The following B4GALT1 variants were observed in gnomAD, a reference collection of about 807,000 sequenced individuals.
The protein encoded by B4GALT1 is N-acetyllactosamine synthase.
Under a neutral mutation model 34.9 loss-of-function variants are expected in B4GALT1, and 16 were observed. That is an observed-to-expected ratio of 0.46 (90% CI 0.31 to 0.70). The LOEUF is 0.70. B4GALT1 is among the 30% of genes least tolerant of loss of function. The pLI is 0.05. For missense variants in B4GALT1, 445 were observed against 530.5 expected (o/e 0.84, Z 1.58); for synonymous variants, 221 against 218.1 (o/e 1.01, Z -0.12).
At chr9:33,179,249 G>A in the B4GALT1 span, 4 of 152,302 alleles carry the variant, frequency 2.6e-5, no homozygotes, top group East Asian at 7.7e-4. Context: ...TCTTTTTCTG[G>A]AGCTAGAATG....
Position 33,113,895 on chromosome 9 carries a change from G to A in B4GALT1, c.960-17C>T, listed in dbSNP as rs750011876. 5 of 1,611,702 alleles carry A rather than the reference G, an allele frequency of 3.1e-6. No individual in the cohort carries two copies. The highest frequency in any genetic ancestry group is 2.7e-5 in the African/African-American group (2 of 74,894). On this transcript the variant is annotated splice_polypyrimidine_tract_variant and intron_variant, in intron 4 of 5. Coordinates refer to ENST00000379731, the MANE Select transcript of B4GALT1 (RefSeq NM_001497.4). ...AAAACTAATCTGCAAAGAGTAAAGG[G>A]AAAGTCATTATCACAGAGCTGCCAT... is the stretch of plus-strand genomic sequence containing the variant.
the B4GALT1 span, among the ~76,000 whole-genome samples, chr9:33,178,517 C>T: frequency 6.6e-6 from 1 of 152,168 alleles, no homozygotes; most frequent in Admixed American, 6.5e-5. Context: ...GTTCTGAGTG[C>T]TCAACTATAC....
rs1432507663 is a variant in B4GALT1 at position 33,125,882 on chromosome 9, GCAGACACATC to G, written c.649-5286_649-5277del. ...ATGTCAGGTCCATGTGTGTATATCA[GCAGACACATC>G]CCTTATCCATAATGGCTTAGGGACC... On this transcript the variant is annotated intron_variant, in intron 2 of 5. Transcript: ENST00000379731. Among the ~76,000 whole-genome samples, 32 of 152,144 alleles carry G rather than the reference GCAGACACATC, an allele frequency of 2.1e-4. 1 individual carries two copies. Among genetic ancestry groups the G allele is most frequent in the Admixed American group, 2.6e-4 (4 of 15,268 alleles).
At chr9:33,144,055 A>AT (rs1244824097) in intron 1 of B4GALT1, among the ~76,000 whole-genome samples, 1 of 151,782 alleles carries the variant, frequency 6.6e-6, no homozygotes. Context: ...TAATTTTTAA[A>AT]TTTTTTGTAG....
At chr9:33,132,449 G>A (rs1448951160) in intron 2 of B4GALT1, among the ~76,000 whole-genome samples, 1 of 152,254 alleles carries the variant, frequency 6.6e-6, no homozygotes, top group Non-Finnish European at 1.5e-5. Context: ...GCGGGAATGA[G>A]ACCTGCTTTA....
At chr9:33,138,354 A>C (rs7849148) in intron 1 of B4GALT1, among the ~76,000 whole-genome samples, 1 of 151,938 alleles carries the variant, frequency 6.6e-6, no homozygotes, top group South Asian at 2.1e-4. Context: ...CTGCAGGGAC[A>C]GGACTGGATG....
At chr9:33,166,647 A>T in intron 1 of B4GALT1, 111 bp downstream of exon 1, 1 of 1,219,378 alleles carries the variant, frequency 8.2e-7, no homozygotes, top group Non-Finnish European at 1.1e-6. Context: ...GATCCAGAAG[A>T]GGGAGGCTGG....
downstream of B4GALT1, among the ~76,000 whole-genome samples, chr9:33,108,414 A>G (rs753731570): frequency 1.3e-5 from 2 of 150,502 alleles, no homozygotes; most frequent in Non-Finnish European, 3.0e-5. Flanking sequence ...GGAGTTTGAG[A>G]CCAGCCTGGT....
downstream of B4GALT1, among the ~76,000 whole-genome samples, chr9:33,108,178 T>G (rs565394830): frequency 1.3e-5 from 2 of 152,198 alleles, no homozygotes; most frequent in African/African-American, 2.4e-5. Flanking sequence ...TTAATCTTCA[T>G]AACAGCCCTA....
At chr9:33,142,666 G>A (rs1324564856) in intron 1 of B4GALT1, among the ~76,000 whole-genome samples, 2 of 151,948 alleles carry the variant, frequency 1.3e-5, no homozygotes, top group East Asian at 3.9e-4. Flanking sequence ...ACCCAGACCA[G>A]AGTGCAATGG....
chr9:33,167,426 C>G (rs1257981262), upstream of B4GALT1: 1 of 209,542 alleles, frequency 4.8e-6, no homozygotes, highest in Non-Finnish European at 8.9e-6. Context: ...GTTTTCTGGA[C>G]GAGGGCGGGA....
chr9:33,176,723 T>A, the B4GALT1 span, among the ~76,000 whole-genome samples: 1 of 151,744 alleles, frequency 6.6e-6, no homozygotes, highest in Non-Finnish European at 1.5e-5. Context: ...GGGACAAGAG[T>A]TGAAAAACTG....
intron 2 of B4GALT1, among the ~76,000 whole-genome samples, chr9:33,121,526 C>CTT (rs35406954): frequency 6.3e-4 from 83 of 130,734 alleles, no homozygotes; most frequent in South Asian, 4.9e-4. Context: ...CCATGCCCGG[C>CTT]TTTTTTTTTT....
chr9:33,154,890 A>C (rs1355646140), intron 1 of B4GALT1, among the ~76,000 whole-genome samples: 2 of 152,042 alleles, frequency 1.3e-5, no homozygotes, highest in Non-Finnish European at 2.9e-5. Context: ...TATGCGGTCC[A>C]AGACAATTCT....
At chr9:33,182,830 AT>A in the B4GALT1 span, among the ~76,000 whole-genome samples, 1 of 152,158 alleles carries the variant, frequency 6.6e-6, no homozygotes, top group Non-Finnish European at 1.5e-5. Flanking sequence ...ATTCCTTATA[AT>A]TTTTATTGTG....
chr9:33,133,372 G>A (rs944775289), intron 2 of B4GALT1, among the ~76,000 whole-genome samples: 4 of 152,176 alleles, frequency 2.6e-5, no homozygotes, highest in African/African-American at 9.7e-5. Context: ...AGAGAGAAAC[G>A]AGATGCAGCT....
chr9:33,183,348 G>A, the B4GALT1 span, among the ~76,000 whole-genome samples: 5 of 150,376 alleles, frequency 3.3e-5, no homozygotes, highest in African/African-American at 1.2e-4. Flanking sequence ...TGTTTATTGC[G>A]GCACTATTCA....
At chr9:33,172,309 G>C (rs114888468), upstream of B4GALT1, among the ~76,000 whole-genome samples, 911 of 152,228 alleles carry the variant, frequency 6.0e-3, 13 homozygotes, top group African/African-American at 0.021. Context: ...TGGAAGGAAA[G>C]GGGAGGTCTG....
At chr9:33,178,628 C>T in the B4GALT1 span, among the ~76,000 whole-genome samples, 1 of 152,212 alleles carries the variant, frequency 6.6e-6, no homozygotes, top group Non-Finnish European at 1.5e-5. Flanking sequence ...TGCTCAGTGA[C>T]TTTGGTCATC....
Sources: gnomAD v4.1 joint callset for allele counts (sites outside exome capture counted in the v4.1 genomes callset) on GRCh38, gnomAD v4.1.1 for gene constraint, MANE v1.5 for transcripts, NCBI Gene and HGNC (gene_info 2026-07-23, HGNC 2026-07-21) for gene names.